The following MUC6 variants were observed in gnomAD, a reference collection of about 807,000 sequenced individuals.
MUC6 encodes mucin 6, oligomeric mucus/gel-forming (gene/pseudogene), also known as mucin-6.
A neutral mutation model predicts 201.5 loss-of-function variants in MUC6; 188 were observed. The observed-to-expected ratio is 0.93, with a 90% CI of 0.83 to 1.05. The LOEUF (loss-of-function observed/expected upper bound fraction) is 1.05, where lower values mean the gene tolerates loss of function less well. Ranked by LOEUF, MUC6 falls within the 50% of genes least tolerant of loss-of-function variation. The pLI is 0.00. For missense variants in MUC6, 2,706 were observed against 3,256.9 expected (o/e 0.83, Z 4.12); for synonymous variants, 1,228 against 1,389.4 (o/e 0.88, Z 2.58).
chr11:1,026,320 G>C lies in MUC6; in HGVS notation c.2546+7C>G, dbSNP rs778945021. ...CCCAGGGCGTCTGAAGCGAGGCTTT[G>C]TCTCACCAGGTCCTGCAGTCAGTGT... On this transcript the variant is annotated splice_region_variant and intron_variant, in intron 20 of 32. Coordinates refer to ENST00000421673, the MANE Select transcript of MUC6 (RefSeq NM_005961.3). 1 of 1,567,982 alleles carries C rather than the reference G, an allele frequency of 6.4e-7. No individual in the cohort carries two copies. The highest frequency in any genetic ancestry group is 8.6e-7 in the Non-Finnish European group (1 of 1,157,442).
rs1269355158 is a variant in MUC6, at chr11:1,017,680, G to A, written c.5121C>T (p.Thr1707=). ...GGGTGATGTTGGTGGTAGAAGTTGA[G>A]GTGGCTTCAGCATGGTGTGTGGAGG... ...HTSSTHHAEA[T]STSTTNITPN... is the part of the protein sequence containing the mutation. The change falls in exon 31 of 33, where the codon ACC becomes ACT. Residue 1707 remains threonine, a synonymous_variant. Transcript: ENST00000421673. 6.6e-7 allele frequency: 1 copy of A among 1,514,726 alleles called. No homozygotes were observed. Among genetic ancestry groups the A allele is most frequent in the Admixed American group, 1.9e-5 (1 of 52,282 alleles). 93.8% of individuals were successfully genotyped at this position (1,514,726 alleles called of 1,614,324 possible).
intron 2 of MUC6, 36 bp downstream of exon 2, chr11:1,032,977 T>G: frequency 6.5e-7 from 1 of 1,549,754 alleles, no homozygotes; most frequent in Admixed American, 1.8e-5. Context: ...GCCTGGGTGG[T>G]CTGGGCGGCA....
chr11:1,028,929 G>A lies in MUC6; in HGVS notation c.1413C>T (p.Val471=). 11 of 1,613,010 alleles carry A rather than the reference G, an allele frequency of 6.8e-6. No individual in the cohort carries two copies. Among genetic ancestry groups the A allele is most frequent in the Non-Finnish European group, 7.6e-6 (9 of 1,179,884 alleles). The change falls in exon 12 of 33, where the codon GTC becomes GTT. Residue 471 remains valine, a synonymous_variant. Coordinates refer to ENST00000421673, the MANE Select transcript of MUC6 (RefSeq NM_005961.3). ...DKIVISQDEV[V]TNNGEAKWLP... ...GCCACTTGGCTTCTCCGTTGTTGGTGACCACCTCGTCCTGAGAGATCACAA... is the reference window on the plus strand; with the variant it reads ...GCCACTTGGCTTCTCCGTTGTTGGTAACCACCTCGTCCTGAGAGATCACAA...
Position 1,018,760 on chromosome 11 carries a change from G to T in MUC6, c.4041C>A (p.Thr1347=). Residue 1347 remains threonine, a synonymous_variant, in exon 31 of 33, where the codon ACC becomes ACA. Transcript: ENST00000421673. ...CCGTTGTTCCTGGCAGTTCCTGATT[G>T]GTCGATTTTGCTGTGGGAATTGGTG... is the stretch of plus-strand genomic sequence containing the variant. ...SGTSPTLPKS[T]NQELPGTTAT... 1 of 1,562,124 alleles carries T rather than the reference G, an allele frequency of 6.4e-7. No homozygotes were observed. The highest frequency in any genetic ancestry group is 8.6e-7 in the Non-Finnish European group (1 of 1,158,402).
chr11:1,022,227 C>T (rs1345084333), intron 26 of MUC6, among the ~76,000 whole-genome samples: 1 of 150,298 alleles, frequency 6.7e-6, no homozygotes, highest in East Asian at 2.0e-4. Context: ...AGCCCTGTGC[C>T]CCTCACTCGC....
chr11:1,013,549 G>T lies in MUC6; in HGVS notation c.7227C>A (p.Pro2409=). The change falls in exon 33 of 33, where the codon CCC becomes CCA. Residue 2409 remains proline (P), a synonymous_variant. Transcript: ENST00000421673. The stretch of plus-strand genomic sequence containing the variant: ...GGCCAGGCGTGCTGGGATCGGGGCA[G>T]GGCAGCTCCAGCTGCTGCTCATAGG... The part of the protein sequence containing the change: ...LHSYEQQLEL[P]CPDPSTPGRR... 6.3e-7 allele frequency: 1 copy of T among 1,577,534 alleles called. No individual in the cohort carries two copies. Among genetic ancestry groups the T allele is most frequent in the Non-Finnish European group, 8.6e-7 (1 of 1,163,348 alleles).
In MUC6 at chr11:1,028,753, G is replaced by A; in HGVS notation, c.1484C>T (p.Thr495Ile). 6.2e-7 allele frequency: 1 copy of A among 1,612,140 alleles called. No homozygotes were observed. Among genetic ancestry groups the A allele is most frequent in the Non-Finnish European group, 8.5e-7 (1 of 1,179,810 alleles). The change falls in exon 13 of 33, where the codon ACC becomes ATC. Residue 495 changes from threonine (T) to isoleucine (I), a missense_variant. Physicochemically the swap from Thr to Ile is moderately conservative, Grantham distance 89. Around this residue, in one of 10 missense-constraint regions of MUC6, gnomAD observed 1,850 missense variants for 1,958.3 expected, o/e 0.94. Coordinates refer to ENST00000421673, the MANE Select transcript of MUC6 (RefSeq NM_005961.3). ...RNITVFRQTS[T>I]HLQMATSFGL... ...GAAGCTGGTGGCCATCTGGAGGTGG[G>A]TGGACGTCTGCCTGAAGACCGTGAT... is the stretch of plus-strand genomic sequence containing the variant.
intron 14 of MUC6, 66 bp from the exon 15 acceptor site, chr11:1,028,125 A>AC (rs779816404): frequency 6.9e-4 from 1,061 of 1,533,934 alleles, no homozygotes; most frequent in Non-Finnish European, 8.1e-4. Context: ...CCTCCCAGGG[A>AC]CCCCCCACCC....
Position 1,013,602 on chromosome 11 carries a change from G to A in MUC6, c.7174C>T (p.Arg2392Cys), listed in dbSNP as rs1013922038. 6 of 1,566,360 alleles carry A rather than the reference G, an allele frequency of 3.8e-6. No individual in the cohort carries two copies. The highest frequency in any genetic ancestry group is 3.8e-5 in the Admixed American group (2 of 52,836). Residue 2392 changes from arginine to cysteine, a missense_variant, in exon 33 of 33, where the codon CGC (arginine) becomes TGC (cysteine). Around this residue, in one of 10 missense-constraint regions of MUC6, gnomAD observed 586 missense variants for 488.0 expected, o/e 1.20. Transcript: ENST00000421673. ...TGGAGGGGGCGGCAGCAGCTGCAGC[G>A]GGCATCCACCTGCTGGGTGATGATG... ...FNIITQQVDA[R>C]CSCCRPLHSY...
intron 26 of MUC6, among the ~76,000 whole-genome samples, chr11:1,021,812 C>T (rs761254289): frequency 1.7e-4 from 26 of 152,184 alleles, no homozygotes; most frequent in Non-Finnish European, 3.1e-4. Flanking sequence ...CTGTGCTCCC[C>T]GATGCAGGTG....
chr11:1,025,163 G>A lies in MUC6; in HGVS notation c.2985+19C>T. The A allele has an allele frequency of 6.2e-7, 1 of 1,610,368 alleles. No individual in the cohort carries two copies. Among genetic ancestry groups the A allele is most frequent in the Non-Finnish European group, 8.5e-7 (1 of 1,177,706 alleles). On this transcript the variant is annotated intron_variant, in intron 23 of 32. Coordinates refer to ENST00000421673, the MANE Select transcript of MUC6 (RefSeq NM_005961.3). ...CTGCATCAGGGAGGGCCTGGGAGGA[G>A]GCAGAGGGCGTGCGGTACCTGGGAG... is the stretch of plus-strand genomic sequence containing the variant.
At position 1,021,233 on chromosome 11, in the gene MUC6, C is replaced by T; in HGVS notation, c.3571G>A (p.Gly1191Arg). Residue 1191 changes from glycine to arginine, a missense_variant, in exon 27 of 33, where the codon GGG becomes AGG. Gly to Arg is a moderately radical substitution (Grantham distance 125). Coordinates refer to ENST00000421673, the MANE Select transcript of MUC6 (RefSeq NM_005961.3). ...GACTTACTGCAGGGCACGCACACCC[C>T]CTCCTCGTGGTCGAAGTACTCATCC... The part of the protein sequence containing the change: ...SQDEYFDHEE[G>R]VCVPCMPPTT... The T allele has an allele frequency of 6.3e-7, 1 of 1,591,316 alleles. No individual in the cohort carries two copies. The highest frequency in any genetic ancestry group is 8.5e-7 in the Non-Finnish European group (1 of 1,169,710).
At position 1,025,265 on chromosome 11, in the gene MUC6, T is replaced by C; in HGVS notation, c.2902A>G (p.Ile968Val). 6.2e-7 allele frequency: 1 copy of C among 1,612,820 alleles called. No homozygotes were observed. The highest frequency in any genetic ancestry group is 8.5e-7 in the Non-Finnish European group (1 of 1,179,854). ...TPGALSLVVD[I>V]SIPGRYNLTL... ...AGGTTGTACCTCCCGGGGATGCTGA[T>C]GTCCACGACAAGGCTCAGCGCACCC... is the stretch of plus-strand genomic sequence containing the variant. The change falls in exon 23 of 33, where the codon ATC (isoleucine) becomes GTC (valine). Residue 968 changes from isoleucine (I) to valine (V), a missense_variant. Around this residue, in one of 10 missense-constraint regions of MUC6, gnomAD observed 1,850 missense variants for 1,958.3 expected, o/e 0.94. Transcript: ENST00000421673.
intron 7 of MUC6, 31 bp from the exon 8 acceptor site, chr11:1,030,366 T>TGGCCCCCCCCCCCCCCCCC: frequency 2.0e-6 from 3 of 1,489,594 alleles, no homozygotes; most frequent in Non-Finnish European, 9.1e-7. Context: ...GGTGAGAGGG[T>TGGCCCCCCCCCCCCCCCCC]CCCACCCCCC....
At position 1,027,179 on chromosome 11, in the gene MUC6, C is replaced by G; in HGVS notation, c.2246G>C (p.Gly749Ala). The change falls in exon 18 of 33, where the codon GGG becomes GCG. Residue 749 changes from glycine (G) to alanine (A), a missense_variant. Around this residue, in one of 10 missense-constraint regions of MUC6, gnomAD observed 1,850 missense variants for 1,958.3 expected, o/e 0.94. Transcript: ENST00000421673. ...INGITCHCIN[G>A]RLSCPQRPQM... ...TGGCCGCTGCGGGCAACTCAGCCGCCCGTTGATGCAGTGGCTGCAAGAGAG... is the reference window on the plus strand; with the variant it reads ...TGGCCGCTGCGGGCAACTCAGCCGCGCGTTGATGCAGTGGCTGCAAGAGAG... 8 of 1,612,542 alleles carry G rather than the reference C, an allele frequency of 5.0e-6. No individual in the cohort carries two copies. The highest frequency in any genetic ancestry group is 2.2e-5 in the East Asian group (1 of 44,864).
chr11:1,025,690 C>T (rs1045651180), intron 22 of MUC6, 115 bp downstream of exon 22: 58 of 1,018,222 alleles, frequency 5.7e-5, no homozygotes, highest in South Asian at 4.3e-4. Context: ...GAGAGGCAGG[C>T]GGGGAGGGCT....
rs752486806 is a variant in MUC6, at chr11:1,025,332, C to T, written c.2835G>A (p.Thr945=). The part of the protein sequence containing the change: ...LSVVLADRNY[T]VTGEEPHVQL... ...GCACGTGGGGCTCCTCCCCGGTGAC[C>T]GTGTAGTTTCTGTCCGCCAGCACCA... Residue 945 remains threonine (T), a synonymous_variant, in exon 23 of 33, where the codon ACG becomes ACA. Transcript: ENST00000421673. 4.3e-6 allele frequency: 7 copies of T among 1,611,232 alleles called. No individual in the cohort carries two copies. Among genetic ancestry groups the T allele is most frequent in the Admixed American group, 1.7e-5 (1 of 59,970 alleles).
rs1564843588 is a variant in MUC6 at position 1,029,527 on chromosome 11, GGGGGCATACATGGCGCCGTGGAGCACACA to G, written c.1075_1103del (p.Cys359ArgfsTer41). 1 of 1,612,442 alleles carries G rather than the reference GGGGGCATACATGGCGCCGTGGAGCACACA, an allele frequency of 6.2e-7. No homozygotes were observed. Among genetic ancestry groups the G allele is most frequent in the South Asian group, 1.1e-5 (1 of 91,050 alleles). The stretch of plus-strand genomic sequence containing the variant: ...GGCAGGCAGCTATTGTGACCTCCCC[GGGGGCATACATGGCGCCGTGGAGCACACA>G]GGGGCACTGGGTGACGGGCACGCAG... On this transcript the variant is annotated frameshift_variant, in exon 9 of 33. Coordinates refer to ENST00000421673, the MANE Select transcript of MUC6 (RefSeq NM_005961.3). LOFTEE classifies it high-confidence loss of function.
Position 1,013,459 on chromosome 11 carries a change from G to A in MUC6, c.7317C>T (p.Asp2439=). Reference sequence around the variant, plus strand: ...AGGAGAGCAGGCAGCGACCCTGCTAGTCTCCACAGGCCACAGAGCTGCACA... The same window carrying A: ...AGGAGAGCAGGCAGCGACCCTGCTAATCTCCACAGGCCACAGAGCTGCACA... ...HCVCSSVACG[D] The change falls in exon 33 of 33, where the codon GAC becomes GAT. Residue 2439 remains aspartate, a synonymous_variant. Coordinates refer to ENST00000421673, the MANE Select transcript of MUC6 (RefSeq NM_005961.3). 1 of 1,578,528 alleles carries A rather than the reference G, an allele frequency of 6.3e-7. No homozygotes were observed. Among genetic ancestry groups the A allele is most frequent in the South Asian group, 1.2e-5 (1 of 86,020 alleles).
Sources: allele counts gnomAD v4.1 joint callset (sites outside exome capture counted in the v4.1 genomes callset), GRCh38; gene constraint gnomAD v4.1.1; regional missense constraint gnomAD v4.1.1; transcripts MANE v1.5; gene names NCBI Gene and HGNC (gene_info 2026-07-23, HGNC 2026-07-21).